UBE3D: variants seen among roughly 807,000 people sequenced by gnomAD.
The protein encoded by UBE3D is ubiquitin protein ligase E3D.
UBE3D carries 48 observed loss-of-function variants against 49.6 expected under a neutral mutation model. The observed-to-expected ratio is 0.97, with a 90% CI of 0.77 to 1.23. UBE3D has a LOEUF of 1.23. Ranked by LOEUF, UBE3D falls within the 50% of genes most tolerant of loss-of-function variation. The pLI, the probability that UBE3D is intolerant of heterozygous loss-of-function variation, is 0.00. For missense variants in UBE3D, 452 were observed against 468.4 expected (o/e 0.96, Z 0.32); for synonymous variants, 189 against 174.2 (o/e 1.08, Z -0.67).
chr6:82,948,597 A>G (rs1300131289), intron 9 of UBE3D, among the ~76,000 whole-genome samples: 1 of 152,078 alleles, frequency 6.6e-6, no homozygotes, highest in African/African-American at 2.4e-5. Context: ...TCTAAAGAAT[A>G]TTGATTTAGA....
chr6:83,021,978 G>A (rs963060513), intron 7 of UBE3D, among the ~76,000 whole-genome samples: 6 of 152,058 alleles, frequency 3.9e-5, no homozygotes, highest in South Asian at 2.1e-4. Context: ...AGAGGCACTT[G>A]ATCATCTGTT....
Position 83,019,014 on chromosome 6 carries a change from G to A in UBE3D, c.969C>T (p.Val323=). 1.9e-6 allele frequency: 3 copies of A among 1,613,654 alleles called. No homozygotes were observed. Among genetic ancestry groups the A allele is most frequent in the Non-Finnish European group, 2.5e-6 (3 of 1,179,836 alleles). The change falls in exon 8 of 10, where the codon GTC becomes GTT. Residue 323 remains valine, a synonymous_variant. Transcript: ENST00000369747. ...KADSSSAWSA[V]KVLYQPCIKS... ...TGATGCATGGCTGGTAGAGGACCTT[G>A]ACAGCACTCCAGGCAGAACTAGAAT...
At chr6:83,059,191 G>A (rs867689980) in intron 1 of UBE3D, among the ~76,000 whole-genome samples, 1 of 152,022 alleles carries the variant, frequency 6.6e-6, no homozygotes, top group Admixed American at 6.6e-5. Context: ...AGACCAGCCT[G>A]GGCAACAAAG....
intron 7 of UBE3D, among the ~76,000 whole-genome samples, chr6:83,021,167 T>C (rs915652617): frequency 1.3e-5 from 2 of 152,198 alleles, no homozygotes; most frequent in African/African-American, 2.4e-5. Flanking sequence ...TGGTGGCTCA[T>C]GCCTGTAATC....
intron 9 of UBE3D, among the ~76,000 whole-genome samples, chr6:82,939,677 C>A (rs1309309174): frequency 6.6e-6 from 1 of 152,160 alleles, no homozygotes; most frequent in Non-Finnish European, 1.5e-5. Context: ...ACTGTCCCAG[C>A]CCATCTAGGT....
At chr6:83,024,108 C>A in intron 5 of UBE3D, 70 bp from the exon 6 acceptor site, 1 of 774,902 alleles carries the variant, frequency 1.3e-6, no homozygotes, top group Non-Finnish European at 2.0e-6. Flanking sequence ...AAGTTGACTC[C>A]AAATTAGGAT....
downstream of UBE3D, among the ~76,000 whole-genome samples, chr6:82,887,416 A>G (rs1770907694): frequency 1.3e-5 from 1 of 78,074 alleles, no homozygotes; most frequent in African/African-American, 9.0e-5. Flanking sequence ...TTTTTTTCAG[A>G]AAGAATAGTG....
At chr6:83,033,682 G>C (rs1782042156) in intron 5 of UBE3D, among the ~76,000 whole-genome samples, 1 of 152,114 alleles carries the variant, frequency 6.6e-6, no homozygotes, top group Admixed American at 6.6e-5. Flanking sequence ...AGTTTCCTAA[G>C]GCCTCCCCCA....
At chr6:83,053,893 A>G (rs1008848535) in intron 3 of UBE3D, among the ~76,000 whole-genome samples, 1 of 152,200 alleles carries the variant, frequency 6.6e-6, no homozygotes, top group Non-Finnish European at 1.5e-5. Context: ...TTCAGTGATC[A>G]GCACAGGTTT....
chr6:82,919,554 C>T (rs1263324714), intron 9 of UBE3D, among the ~76,000 whole-genome samples: 16 of 151,752 alleles, frequency 1.1e-4, no homozygotes, highest in Non-Finnish European at 2.4e-4. Flanking sequence ...CAAGATCACA[C>T]CACTGCACTC....
intron 2 of UBE3D, among the ~76,000 whole-genome samples, chr6:83,054,473 G>A (rs900321874): frequency 6.6e-6 from 1 of 151,954 alleles, no homozygotes; most frequent in Non-Finnish European, 1.5e-5. Context: ...TCTAGATTAC[G>A]CATGTAGCAT....
intron 5 of UBE3D, among the ~76,000 whole-genome samples, chr6:83,027,457 A>AAAAAAAAAAAAAAAAAAAAAAAAAC (rs1781558438): frequency 6.7e-6 from 1 of 148,326 alleles, no homozygotes; most frequent in Non-Finnish European, 1.5e-5. Context: ...AAAAAAAAAA[A>AAAAAAAAAAAAAAAAAAAAAAAAAC]AAAAGAAACC....
At chr6:83,015,627 C>A (rs533314478) in intron 8 of UBE3D, among the ~76,000 whole-genome samples, 14 of 152,138 alleles carry the variant, frequency 9.2e-5, no homozygotes, top group African/African-American at 3.4e-4. Context: ...TCGAGTGTAA[C>A]GCACCTCCTC....
intron 5 of UBE3D, among the ~76,000 whole-genome samples, chr6:83,030,468 A>G (rs1781788512): frequency 6.6e-6 from 1 of 152,014 alleles, no homozygotes; most frequent in Admixed American, 6.6e-5. Context: ...CTCCTCCTTC[A>G]CCTTGTGCCA....
chr6:82,922,688 A>G (rs1159882332), intron 9 of UBE3D, among the ~76,000 whole-genome samples: 1 of 152,088 alleles, frequency 6.6e-6, no homozygotes, highest in Non-Finnish European at 1.5e-5. Context: ...ACCAAAAGCA[A>G]TGGCAACAAA....
At chr6:82,900,729 C>T in intron 9 of UBE3D, among the ~76,000 whole-genome samples, 1 of 152,098 alleles carries the variant, frequency 6.6e-6, no homozygotes, top group Non-Finnish European at 1.5e-5. Flanking sequence ...GGCCCTGAGG[C>T]CAGGGCTGCT....
At chr6:83,003,154 T>C (rs2127748435) in intron 8 of UBE3D, among the ~76,000 whole-genome samples, 1 of 152,342 alleles carries the variant, frequency 6.6e-6, no homozygotes, top group Admixed American at 6.5e-5. Flanking sequence ...ACTTCAGGTC[T>C]GACTTATAAA....
intron 4 of UBE3D, among the ~76,000 whole-genome samples, chr6:83,040,054 C>T (rs1582718341): frequency 6.6e-6 from 1 of 152,052 alleles, no homozygotes; most frequent in South Asian, 2.1e-4. Flanking sequence ...TGTATGTGTG[C>T]ATGAGTGTAT....
rs374165322 is a variant in UBE3D at position 82,931,544 on chromosome 6, T to C, written c.1149+25768A>G. Reference sequence around the variant, plus strand: ...GCCCAAAGCCATGGGAGCCCACCTCTTGCATCAGCATGACCTGGATGTGAG... The same window carrying C: ...GCCCAAAGCCATGGGAGCCCACCTCCTGCATCAGCATGACCTGGATGTGAG... On this transcript the variant is annotated intron_variant, in intron 9 of 9. Transcript: ENST00000369747. 1.9e-3 allele frequency among the ~76,000 whole-genome samples: 294 copies of C among 152,318 alleles called. 2 individuals carry two copies. The highest frequency in any genetic ancestry group is 6.7e-3 in the African/African-American group (277 of 41,584).
Sources: allele counts gnomAD v4.1 joint callset (sites outside exome capture counted in the v4.1 genomes callset), GRCh38; gene constraint gnomAD v4.1.1; transcripts MANE v1.5; gene names NCBI Gene and HGNC (gene_info 2026-07-23, HGNC 2026-07-21).